BMPR1B: variants seen among roughly 807,000 people sequenced by gnomAD.
BMPR1B encodes the protein bone morphogenetic protein receptor type-1B.
Under a neutral mutation model 59.1 loss-of-function variants are expected in BMPR1B, and 12 were observed. The ratio of observed to expected loss-of-function variants is 0.20; its 90% CI spans 0.13 to 0.33. The LOEUF (loss-of-function observed/expected upper bound fraction) is 0.33, where lower values mean the gene tolerates loss of function less well. Among genes scored for constraint, BMPR1B ranks in the 10% least tolerant of loss-of-function variants. The probability of loss-of-function intolerance (pLI) is 1.00; values close to 1 mark genes in which losing one functional copy is unlikely to be tolerated. For synonymous variants in BMPR1B, 237 were observed against 207.3 expected (o/e 1.14, Z -1.23); for missense variants, 550 against 610.9 (o/e 0.90, Z 1.05).
chr4:95,004,035 A>G (rs907145388), intron 3 of BMPR1B, among the ~76,000 whole-genome samples: 4 of 151,794 alleles, frequency 2.6e-5, no homozygotes, highest in Admixed American at 6.6e-5. Context: ...CTCAAACTCA[A>G]TATTTATATA....
intron 3 of BMPR1B, among the ~76,000 whole-genome samples, chr4:95,080,559 C>A (rs887986215): frequency 1.3e-5 from 2 of 152,106 alleles, no homozygotes; most frequent in Non-Finnish European, 2.9e-5. Context: ...AATTTTATAT[C>A]TCTAATGCTA....
chr4:95,103,294 G>A (rs1730958109), intron 3 of BMPR1B: 1 of 202,526 alleles, frequency 4.9e-6, no homozygotes, highest in African/African-American at 2.4e-5. Flanking sequence ...TTCATTTTTG[G>A]TTTAAAAATA....
intron 6 of BMPR1B, among the ~76,000 whole-genome samples, chr4:95,122,843 A>G (rs1018948569): frequency 2.0e-5 from 3 of 152,184 alleles, no homozygotes; most frequent in Non-Finnish European, 2.9e-5. Flanking sequence ...CATAGCATCC[A>G]AAGTCATAAA....
chr4:94,908,085 A>AAAG (rs1560541784), intron 2 of BMPR1B, among the ~76,000 whole-genome samples: 11 of 111,340 alleles, frequency 9.9e-5, no homozygotes, highest in African/African-American at 3.8e-4. Flanking sequence ...AAAAAAAAAA[A>AAAG]AAAAAGAAAA....
At chr4:95,087,945 C>T (rs1299150426) in intron 3 of BMPR1B, among the ~76,000 whole-genome samples, 1 of 152,010 alleles carries the variant, frequency 6.6e-6, no homozygotes, top group African/African-American at 2.4e-5. Context: ...TTACTTTGAA[C>T]TTCAAAGTAG....
chr4:94,953,587 ACT>A (rs367549677), intron 2 of BMPR1B, among the ~76,000 whole-genome samples: 4,424 of 152,028 alleles, frequency 0.029, 205 homozygotes, highest in African/African-American at 0.1. Flanking sequence ...ATTGGCCCCC[ACT>A]CTCTTCTGGC....
chr4:94,797,864 C>G (rs1578655919), intron 1 of BMPR1B, among the ~76,000 whole-genome samples: 1 of 152,088 alleles, frequency 6.6e-6, no homozygotes, highest in African/African-American at 2.4e-5. Context: ...CTTCAGACCC[C>G]AAAATTATTG....
In BMPR1B at chr4:95,123,790, CTT is replaced by C. The variant is rs771245248; in HGVS notation, c.350-16_350-15del. The C allele has an allele frequency of 6.5e-7, 1 of 1,549,140 alleles. No homozygotes were observed. Among genetic ancestry groups the C allele is most frequent in the East Asian group, 2.3e-5 (1 of 44,390 alleles). On this transcript the variant is annotated intron_variant, in intron 6 of 12. Coordinates refer to ENST00000515059, the MANE Select transcript of BMPR1B (RefSeq NM_001203.3). ...TAAAAATATTCTCTTGATTATGGCTCTTTTTCTTTTTAATTTCAGATTTTGTT... is the reference window on the plus strand; with the variant it reads ...TAAAAATATTCTCTTGATTATGGCTCTTTCTTTTTAATTTCAGATTTTGTT...
chr4:95,063,956 A>G (rs1431517653), intron 3 of BMPR1B, among the ~76,000 whole-genome samples: 1 of 152,188 alleles, frequency 6.6e-6, no homozygotes, highest in Non-Finnish European at 1.5e-5. Context: ...TAGTCAGCAG[A>G]TTGGCAAAAT....
At chr4:95,063,151 G>T (rs1431179303) in intron 3 of BMPR1B, among the ~76,000 whole-genome samples, 1 of 151,838 alleles carries the variant, frequency 6.6e-6, no homozygotes, top group East Asian at 1.9e-4. Flanking sequence ...AAAGATCTAG[G>T]GGTAAAAAAG....
chr4:94,935,485 C>A (rs1729257240), intron 2 of BMPR1B, among the ~76,000 whole-genome samples: 1 of 152,120 alleles, frequency 6.6e-6, no homozygotes, highest in African/African-American at 2.4e-5. Flanking sequence ...TACAGCTTGC[C>A]TTTCAGTAGT....
intron 2 of BMPR1B, among the ~76,000 whole-genome samples, chr4:94,886,319 A>T (rs886774027): frequency 6.6e-6 from 1 of 152,152 alleles, no homozygotes; most frequent in Non-Finnish European, 1.5e-5. Flanking sequence ...TCTGGTTTAA[A>T]TTTTTTTATA....
At chr4:94,898,717 C>G (rs1727683844) in intron 2 of BMPR1B, among the ~76,000 whole-genome samples, 1 of 87,954 alleles carries the variant, frequency 1.1e-5, no homozygotes, top group Non-Finnish European at 2.1e-5. Flanking sequence ...ACACTTTAAA[C>G]ACTTCATTTT....
intron 4 of BMPR1B, among the ~76,000 whole-genome samples, chr4:95,113,728 T>A (rs1455745795): frequency 6.6e-6 from 1 of 152,140 alleles, no homozygotes; most frequent in Admixed American, 6.6e-5. Context: ...ACAGATGTGT[T>A]TTTTATTTTA....
chr4:94,787,269 A>G (rs1386374679), intron 1 of BMPR1B, among the ~76,000 whole-genome samples: 6 of 152,174 alleles, frequency 3.9e-5, no homozygotes, highest in African/African-American at 1.2e-4. Context: ...CACCATGTGA[A>G]TGTTCAGTCC....
At chr4:95,132,484 C>T (rs1733431844) in intron 10 of BMPR1B, among the ~76,000 whole-genome samples, 1 of 151,990 alleles carries the variant, frequency 6.6e-6, no homozygotes, top group Non-Finnish European at 1.5e-5. Context: ...AAGGTCTTCA[C>T]CATGTAAAGG....
rs555601604 is a variant in BMPR1B, at chr4:94,868,427, T to G, written c.-182-7404T>G. ...CTCAAATGGTCCACCCACCTCGGCC[T>G]CCCAAAGTGCTGAGATTACAGACAT... On this transcript the variant is annotated intron_variant, in intron 1 of 12. Coordinates refer to ENST00000515059, the MANE Select transcript of BMPR1B (RefSeq NM_001203.3). Among the ~76,000 whole-genome samples the G allele has an allele frequency of 2.6e-5, 4 of 152,278 alleles. No individual in the cohort carries two copies. In the South Asian group the frequency reaches 8.3e-4, roughly 32 times the overall value.
chr4:94,843,234 A>AT (rs1725169530), intron 1 of BMPR1B, among the ~76,000 whole-genome samples: 1 of 152,164 alleles, frequency 6.6e-6, no homozygotes, highest in African/African-American at 2.4e-5. Flanking sequence ...ATGCCTACTT[A>AT]TTTTTATTAA....
intron 2 of BMPR1B, among the ~76,000 whole-genome samples, chr4:94,891,631 G>A (rs1459993667): frequency 2.0e-5 from 3 of 152,062 alleles, no homozygotes; most frequent in Non-Finnish European, 2.9e-5. Context: ...TGGAATGGCA[G>A]CGTATGTAGA....
Sources: allele counts gnomAD v4.1 joint callset (sites outside exome capture counted in the v4.1 genomes callset), GRCh38; gene constraint gnomAD v4.1.1; transcripts MANE v1.5; gene names NCBI Gene and HGNC (gene_info 2026-07-23, HGNC 2026-07-21).